G2E3: variants seen among roughly 807,000 people sequenced by gnomAD.
G2E3 encodes the protein G2/M-phase specific E3 ubiquitin protein ligase, also known as G2/M phase-specific E3 ubiquitin-protein ligase.
In G2E3, 35 loss-of-function variants were observed where a neutral mutation model predicts 92.8. The ratio of observed to expected loss-of-function variants is 0.38; its 90% confidence interval spans 0.29 to 0.50. The LOEUF is 0.50. Ranked by LOEUF, G2E3 falls within the 20% of genes least tolerant of loss-of-function variation. The pLI is 0.94. For missense variants in G2E3, 554 were observed against 823.8 expected, an observed-to-expected ratio of 0.67 and a Z score of 4.01; for synonymous variants, 242 against 272.4, an observed-to-expected ratio of 0.89 and a Z score of 1.10.
intron 1 of G2E3, 161 bp from the exon 2 acceptor site, chr14:30,580,915 A>C (rs1181473286): frequency 1.7e-6 from 1 of 584,430 alleles, no homozygotes; most frequent in Non-Finnish European, 3.1e-6. Flanking sequence ...TTAACACCCC[A>C]GTTGAGAACT....
intron 1 of G2E3, among the ~76,000 whole-genome samples, chr14:30,568,902 C>T (rs963425037): frequency 6.6e-6 from 1 of 151,964 alleles, no homozygotes; most frequent in Non-Finnish European, 1.5e-5. Context: ...TTTATTTCCT[C>T]GTATGGCTTT....
At chr14:30,586,938 C>T in intron 3 of G2E3, 123 bp downstream of exon 3, 1 of 407,362 alleles carries the variant, frequency 2.5e-6, no homozygotes, top group Non-Finnish European at 4.5e-6. Context: ...TTTTGTCTAT[C>T]TCTAAAAATA....
At chr14:30,560,613 G>A in intron 1 of G2E3, 1 of 564,226 alleles carries the variant, frequency 1.8e-6, no homozygotes, top group Non-Finnish European at 3.1e-6. Flanking sequence ...GTCAACAAAT[G>A]GTAATTTTTA....
At chr14:30,577,397 A>G (rs575438122) in intron 1 of G2E3, among the ~76,000 whole-genome samples, 7 of 152,224 alleles carry the variant, frequency 4.6e-5, no homozygotes, top group African/African-American at 1.7e-4. Flanking sequence ...TTAAACAATA[A>G]ACATTTAATT....
chr14:30,583,800 T>G (rs189147448), intron 2 of G2E3, among the ~76,000 whole-genome samples: 1 of 152,286 alleles, frequency 6.6e-6, no homozygotes, highest in East Asian at 1.9e-4. Flanking sequence ...ATTAGTTGAG[T>G]CTTAACTCAG....
At chr14:30,608,143 A>G in intron 12 of G2E3, 74 bp downstream of exon 12, 1 of 815,560 alleles carries the variant, frequency 1.2e-6, no homozygotes, top group Non-Finnish European at 1.9e-6. Flanking sequence ...CTGATCTGCA[A>G]TAAAATAATA....
intron 10 of G2E3, among the ~76,000 whole-genome samples, chr14:30,602,552 A>G (rs1481442209): frequency 1.3e-5 from 2 of 152,168 alleles, no homozygotes; most frequent in Non-Finnish European, 2.9e-5. Flanking sequence ...GTAAAATATC[A>G]AGCATACCGT....
intron 12 of G2E3, among the ~76,000 whole-genome samples, chr14:30,608,972 A>G (rs1381433860): frequency 6.6e-6 from 1 of 152,166 alleles, no homozygotes; most frequent in African/African-American, 2.4e-5. Flanking sequence ...ACAGAGGGAG[A>G]CACTGTCTCA....
intron 6 of G2E3, among the ~76,000 whole-genome samples, chr14:30,596,548 A>G (rs986421001): frequency 5.9e-5 from 9 of 151,968 alleles, no homozygotes; most frequent in African/African-American, 1.9e-4. Context: ...CTTTTGTCCT[A>G]TTTTCCTGGC....
intron 1 of G2E3, among the ~76,000 whole-genome samples, chr14:30,579,690 C>T (rs1483038926): frequency 2.6e-5 from 4 of 152,040 alleles, no homozygotes; most frequent in African/African-American, 7.2e-5. Context: ...CATGAAGTAC[C>T]ATGGTGTAAC....
At chr14:30,561,256 A>T (rs1183830253) in intron 1 of G2E3, among the ~76,000 whole-genome samples, 1 of 152,236 alleles carries the variant, frequency 6.6e-6, no homozygotes, top group Non-Finnish European at 1.5e-5. Flanking sequence ...GGGGCTCGGT[A>T]ATTTGTTCTC....
intron 11 of G2E3, among the ~76,000 whole-genome samples, chr14:30,606,236 A>G (rs1881825840): frequency 6.7e-6 from 1 of 150,104 alleles, no homozygotes; most frequent in South Asian, 2.1e-4. Context: ...TTTGTTTGCA[A>G]TATTTTTTTT....
chr14:30,577,223 C>CAA (rs59757142), intron 1 of G2E3, among the ~76,000 whole-genome samples: 23,902 of 80,242 alleles, frequency 0.3, 3,191 homozygotes, highest in East Asian at 0.4. Context: ...GACTCTGTCT[C>CAA]AAAAAAAAAA....
chr14:30,574,251 G>A (rs1265050572), intron 1 of G2E3, among the ~76,000 whole-genome samples: 2 of 151,914 alleles, frequency 1.3e-5, no homozygotes, highest in African/African-American at 4.8e-5. Flanking sequence ...ACCTAAATAT[G>A]GATACCAATT....
At position 30,616,574 on chromosome 14, in the gene G2E3, C is replaced by T. The variant is rs755106684; in HGVS notation, c.*40C>T. 7.0e-7 allele frequency: 1 copy of T among 1,425,014 alleles called. No homozygotes were observed. The highest frequency in any genetic ancestry group is 9.7e-7 in the Non-Finnish European group (1 of 1,034,294). 88.3% of individuals were successfully genotyped at this position (1,425,014 alleles called of 1,614,324 possible). ...CAAAGAGAAGCTTCTTTAAAAGCTG[C>T]TATTGATAACTCTCTTTTATTTCAC... On this transcript the variant is annotated 3_prime_UTR_variant, in exon 15 of 15. Transcript: ENST00000206595.
chr14:30,595,790 T>A (rs1050589874), intron 6 of G2E3, among the ~76,000 whole-genome samples: 5 of 152,196 alleles, frequency 3.3e-5, no homozygotes, highest in African/African-American at 1.2e-4. Context: ...TAAACAAATG[T>A]CATTATTTGT....
intron 2 of G2E3, among the ~76,000 whole-genome samples, chr14:30,584,072 C>A (rs1880576535): frequency 6.6e-6 from 1 of 152,080 alleles, no homozygotes; most frequent in African/African-American, 2.4e-5. Flanking sequence ...TTGTGTGTCC[C>A]TGTGGATTTA....
In G2E3 at chr14:30,602,185, A is replaced by G. The variant is rs185259437; in HGVS notation, c.1010+54A>G. 4 of 1,358,904 alleles carry G rather than the reference A, an allele frequency of 2.9e-6. No homozygotes were observed. In the Admixed American group the frequency reaches 5.7e-5, roughly 19 times the overall value. 84.2% of individuals were successfully genotyped at this position (1,358,904 alleles called of 1,614,324 possible). ...AAAAATCTATTTGGAGAAAATTATG[A>G]TAGGAAATGCCATATACATTTAGAA... On this transcript the variant is annotated intron_variant, in intron 10 of 14. Coordinates refer to ENST00000206595, the MANE Select transcript of G2E3 (RefSeq NM_017769.5).
Position 30,605,593 on chromosome 14 carries a change from A to G in G2E3, c.1099A>G (p.Asn367Asp), listed in dbSNP as rs763206113. 6.4e-7 allele frequency: 1 copy of G among 1,554,600 alleles called. No individual in the cohort carries two copies. The highest frequency in any genetic ancestry group is 1.1e-5 in the South Asian group (1 of 86,986). The change falls in exon 11 of 15, where the codon AAC (asparagine) becomes GAC (aspartate). Residue 367 changes from asparagine (N) to aspartate (D), a missense_variant. By Grantham distance (23) the Asn-to-Asp change is conservative. This residue lies in a region of G2E3 where 397 missense variants were observed against 560.3 expected (regional missense o/e 0.71). Coordinates refer to ENST00000206595, the MANE Select transcript of G2E3 (RefSeq NM_017769.5). ...AAAAAAAACTAAAAGATTGTATATC[A>G]ACAAAGCCAATATCTGGAATAGTGC... The part of the protein sequence containing the change: ...IKKKTKRLYI[N>D]KANIWNSALD...
Sources: allele counts gnomAD v4.1 joint callset (sites outside exome capture counted in the v4.1 genomes callset), GRCh38; gene constraint gnomAD v4.1.1; regional missense constraint gnomAD v4.1.1; transcripts MANE v1.5; gene names NCBI Gene and HGNC (gene_info 2026-07-23, HGNC 2026-07-21).